The following PACRG variants were observed in gnomAD, a reference collection of about 807,000 sequenced individuals.
PACRG encodes parkin coregulated gene protein.
PACRG carries 29 observed loss-of-function variants against 29.7 expected under a neutral mutation model. The observed-to-expected ratio is 0.98, with a 90% CI of 0.73 to 1.33. The LOEUF is 1.33. Among genes scored for constraint, PACRG ranks in the 40% most tolerant of loss-of-function variants. The pLI, the probability that PACRG is intolerant of heterozygous loss-of-function variation, is 0.00. For missense variants in PACRG, 279 were observed against 316.2 expected (o/e 0.88, Z 0.89); for synonymous variants, 116 against 118.7 (o/e 0.98, Z 0.15).
rs1007513848 is a variant in PACRG at position 163,089,413 on chromosome 6, G to C, written c.613+5G>C. ...ACATCTTTAAGAATATGAATGGTGA[G>C]TGAGCCCACGAGTCAAAATGTCTTT... is the stretch of plus-strand genomic sequence containing the variant. On this transcript the variant is annotated splice_donor_5th_base_variant and intron_variant, in intron 4 of 4. Coordinates refer to ENST00000366888, the MANE Select transcript of PACRG (RefSeq NM_001080379.2). 1 of 1,612,058 alleles carries C rather than the reference G, an allele frequency of 6.2e-7. No individual in the cohort carries two copies. The highest frequency in any genetic ancestry group is 8.5e-7 in the Non-Finnish European group (1 of 1,179,002).
chr6:162,791,714 ATC>A (rs1445691947), intron 1 of PACRG, among the ~76,000 whole-genome samples: 3 of 152,272 alleles, frequency 2.0e-5, no homozygotes, highest in Non-Finnish European at 4.4e-5. Flanking sequence ...ATAGCATCCC[ATC>A]AATTTGAATT....
At chr6:162,939,193 C>G (rs1798443124) in intron 2 of PACRG, among the ~76,000 whole-genome samples, 2 of 152,084 alleles carry the variant, frequency 1.3e-5, no homozygotes, top group Non-Finnish European at 2.9e-5. Flanking sequence ...TGATAATTGC[C>G]CAGCCACATG....
intron 2 of PACRG, among the ~76,000 whole-genome samples, chr6:162,831,712 G>A (rs1207132291): frequency 1.3e-5 from 2 of 152,082 alleles, no homozygotes; most frequent in Non-Finnish European, 2.9e-5. Context: ...CTGTGTCCAC[G>A]TGTTCTCATT....
At chr6:163,214,876 C>T (rs571336479) in intron 4 of PACRG, among the ~76,000 whole-genome samples, 2 of 152,230 alleles carry the variant, frequency 1.3e-5, no homozygotes, top group East Asian at 3.9e-4. Context: ...TATGTTTTAG[C>T]ATTTTATCAT....
intron 4 of PACRG, among the ~76,000 whole-genome samples, chr6:163,236,279 A>T (rs1035432952): frequency 2.0e-5 from 3 of 150,796 alleles, no homozygotes; most frequent in Non-Finnish European, 4.4e-5. Context: ...GCCCTTCTCC[A>T]TTCCTCCTAG....
chr6:162,753,949 G>C (rs35593345), intron 1 of PACRG, among the ~76,000 whole-genome samples: 11,743 of 152,234 alleles, frequency 0.077, 640 homozygotes, highest in Middle Eastern at 0.17. Context: ...ATGAACATGG[G>C]AGTGCAGATA....
At chr6:163,264,428 G>T (rs1035233719) in intron 4 of PACRG, among the ~76,000 whole-genome samples, 6 of 152,186 alleles carry the variant, frequency 3.9e-5, no homozygotes, top group Admixed American at 1.3e-4. Context: ...ACACTGTGCT[G>T]CTGGAGACAA....
At chr6:163,240,980 CG>C (rs1782484701) in intron 4 of PACRG, among the ~76,000 whole-genome samples, 1 of 152,310 alleles carries the variant, frequency 6.6e-6, no homozygotes, top group Admixed American at 6.5e-5. Context: ...TCCCCAAAAT[CG>C]GACTTTTCTT....
At chr6:163,127,499 C>T (rs903945945) in intron 4 of PACRG, among the ~76,000 whole-genome samples, 1 of 152,178 alleles carries the variant, frequency 6.6e-6, no homozygotes. Flanking sequence ...GTCTCTAGGT[C>T]TGCCGCACAA....
At chr6:163,296,443 C>T (rs1402228794) in intron 4 of PACRG, among the ~76,000 whole-genome samples, 4 of 152,080 alleles carry the variant, frequency 2.6e-5, no homozygotes, top group African/African-American at 9.7e-5. Flanking sequence ...TACAGGCACC[C>T]GCCACCACGC....
intron 1 of PACRG, among the ~76,000 whole-genome samples, chr6:162,786,238 T>C (rs1222405956): frequency 6.6e-6 from 1 of 152,158 alleles, no homozygotes; most frequent in African/African-American, 2.4e-5. Flanking sequence ...CTGGGTGGGA[T>C]TGTGGGTCTT....
intron 2 of PACRG, among the ~76,000 whole-genome samples, chr6:162,987,132 C>T (rs2128179707): frequency 6.6e-6 from 1 of 152,180 alleles, no homozygotes; most frequent in Middle Eastern, 3.4e-3. Context: ...CTGATTTCTT[C>T]TTCTTTGGGT....
chr6:163,235,303 T>G (rs1266535547), intron 4 of PACRG, among the ~76,000 whole-genome samples: 1 of 152,200 alleles, frequency 6.6e-6, no homozygotes, highest in Non-Finnish European at 1.5e-5. Context: ...GATATATTTC[T>G]TCTCCATTGA....
intron 4 of PACRG, among the ~76,000 whole-genome samples, chr6:163,287,841 C>T (rs1784452671): frequency 6.6e-6 from 1 of 152,164 alleles, no homozygotes. Flanking sequence ...CGACCGTGGC[C>T]ATGCTGAGGG....
intron 4 of PACRG, among the ~76,000 whole-genome samples, chr6:163,240,199 G>A (rs1348652573): frequency 6.6e-6 from 1 of 152,132 alleles, no homozygotes; most frequent in South Asian, 2.1e-4. Flanking sequence ...GGCCTGTGGG[G>A]TGAGTGGGAT....
At chr6:163,252,514 G>A (rs867550778) in intron 4 of PACRG, among the ~76,000 whole-genome samples, 3 of 152,200 alleles carry the variant, frequency 2.0e-5, no homozygotes, top group Non-Finnish European at 4.4e-5. Flanking sequence ...TGAGGTAGGC[G>A]CTGATGAGAG....
Position 163,248,402 on chromosome 6 carries a change from C to T in PACRG, c.614-66425C>T, listed in dbSNP as rs112723506. On this transcript the variant is annotated intron_variant, in intron 4 of 4. Transcript: ENST00000366888. ...TTTCAAGATATCTAGTGTTGGTTTGCGGGGCAAGAGGGGAGTGCATATTTT... is the reference window on the plus strand; with the variant it reads ...TTTCAAGATATCTAGTGTTGGTTTGTGGGGCAAGAGGGGAGTGCATATTTT... Among the ~76,000 whole-genome samples the T allele has an allele frequency of 3.8e-3, 506 of 132,484 alleles. 4 individuals carry two copies. The highest frequency in any genetic ancestry group is 0.014 in the African/African-American group (469 of 33,796). The allele number at this position is 132,484 out of a possible 152,430, so 86.9% of individuals were successfully genotyped here.
rs189643805 is a variant in PACRG at position 163,044,250 on chromosome 6, C to T, written c.292-17900C>T. On this transcript the variant is annotated intron_variant, in intron 2 of 4. Transcript: ENST00000366888. ...GTGGCACGATCACGGTTCACTGAAGCCTTGGCTCCTGGGTTCATGCGATCC... is the reference window on the plus strand; with the variant it reads ...GTGGCACGATCACGGTTCACTGAAGTCTTGGCTCCTGGGTTCATGCGATCC... Among the ~76,000 whole-genome samples, 412 of 150,842 alleles carry T rather than the reference C, an allele frequency of 2.7e-3. 3 individuals are homozygous for T. The highest frequency in any genetic ancestry group is 9.7e-3 in the African/African-American group (396 of 40,992).
rs184864316 is a variant in PACRG at position 163,041,286 on chromosome 6, G to A, written c.292-20864G>A. Among the ~76,000 whole-genome samples the A allele has an allele frequency of 6.1e-4, 93 of 152,158 alleles. 3 individuals are homozygous for A. The East Asian group carries it at 0.017, about 28-fold the overall frequency. On this transcript the variant is annotated intron_variant, in intron 2 of 4. Transcript: ENST00000366888. ...TGGGAGGCGGAGCTTGCAGTGAACC[G>A]AGATCGTGCCACTGCACTCCAGCCT...
Sources: gnomAD v4.1 joint callset for allele counts (sites outside exome capture counted in the v4.1 genomes callset) on GRCh38, gnomAD v4.1.1 for gene constraint, MANE v1.5 for transcripts, NCBI Gene and HGNC (gene_info 2026-07-23, HGNC 2026-07-21) for gene names.